Variants in LRFN5 observed in about 807,000 individuals in gnomAD.
LRFN5 encodes leucine-rich repeat and fibronectin type-III domain-containing protein 5.
In LRFN5, 24 loss-of-function variants were observed where a neutral mutation model predicts 45.6. The ratio of observed to expected loss-of-function variants is 0.53; its 90% CI spans 0.38 to 0.74. The LOEUF (loss-of-function observed/expected upper bound fraction) is 0.74. Ranked by LOEUF, LRFN5 falls within the 30% of genes least tolerant of loss-of-function variation. The pLI is 0.00. For missense variants in LRFN5, 776 were observed against 861.5 expected, an observed-to-expected ratio of 0.90 and a Z score of 1.24; for synonymous variants, 340 against 313.8, an observed-to-expected ratio of 1.08 and a Z score of -0.88.
chr14:41,718,596 A>G (rs915552697), intron 1 of LRFN5, among the ~76,000 whole-genome samples: 2 of 152,194 alleles, frequency 1.3e-5, no homozygotes, highest in African/African-American at 4.8e-5. Flanking sequence ...TGCCACCTGC[A>G]TATGGGAAAG....
At chr14:41,848,939 G>A (rs552404602) in intron 2 of LRFN5, among the ~76,000 whole-genome samples, 1 of 152,058 alleles carries the variant, frequency 6.6e-6, no homozygotes, top group South Asian at 2.1e-4. Flanking sequence ...TTTTTTCAGA[G>A]TTAAAGATTT....
chr14:41,818,758 G>C (rs1888008866), intron 2 of LRFN5, among the ~76,000 whole-genome samples: 1 of 152,050 alleles, frequency 6.6e-6, no homozygotes, highest in Non-Finnish European at 1.5e-5. Flanking sequence ...TTAAAAAATA[G>C]ATTTGTGGGC....
intron 1 of LRFN5, among the ~76,000 whole-genome samples, chr14:41,620,516 T>A (rs1033742997): frequency 2.6e-5 from 4 of 152,068 alleles, no homozygotes; most frequent in Non-Finnish European, 5.9e-5. Flanking sequence ...ATGAGTAACT[T>A]GATTTTGTTT....
intron 2 of LRFN5, among the ~76,000 whole-genome samples, chr14:41,778,014 G>T (rs112885012): frequency 1.5e-4 from 12 of 82,054 alleles, no homozygotes; most frequent in Admixed American, 5.3e-4. Context: ...TTTTTGGTGG[G>T]GGGGGGGGAT....
chr14:41,857,018 T>C (rs1481208474), intron 2 of LRFN5, among the ~76,000 whole-genome samples: 2 of 152,134 alleles, frequency 1.3e-5, no homozygotes, highest in Admixed American at 6.5e-5. Flanking sequence ...AAAGTCCTTA[T>C]CTAAGAACCT....
At chr14:41,874,812 G>C (rs921789431) in intron 2 of LRFN5, among the ~76,000 whole-genome samples, 2 of 152,194 alleles carry the variant, frequency 1.3e-5, no homozygotes, top group Non-Finnish European at 2.9e-5. Flanking sequence ...GGGCTGGAAA[G>C]GCCTCAGGGA....
At chr14:41,785,609 T>G (rs1441407837) in intron 2 of LRFN5, among the ~76,000 whole-genome samples, 1 of 152,132 alleles carries the variant, frequency 6.6e-6, no homozygotes, top group Non-Finnish European at 1.5e-5. Flanking sequence ...TTTCAATGAT[T>G]CAAGCACTTT....
intron 2 of LRFN5, among the ~76,000 whole-genome samples, chr14:41,816,533 G>A (rs537119683): frequency 6.6e-6 from 1 of 151,746 alleles, no homozygotes; most frequent in Non-Finnish European, 1.5e-5. Flanking sequence ...ATTTTTGAAG[G>A]ATAATTTCAT....
chr14:41,662,275 C>G (rs1299902330), intron 1 of LRFN5, among the ~76,000 whole-genome samples: 1 of 151,990 alleles, frequency 6.6e-6, no homozygotes, highest in Non-Finnish European at 1.5e-5. Context: ...TGTTCCTAAC[C>G]ACCTACGTCA....
chr14:41,904,112 T>C (rs775317590), intron 5 of LRFN5, 46 bp from the exon 6 acceptor site: 7 of 1,479,496 alleles, frequency 4.7e-6, no homozygotes, highest in South Asian at 1.2e-5. Flanking sequence ...TTTCTTTCTT[T>C]CTTCCTTTCT....
chr14:41,897,212 G>A (rs978127437), intron 4 of LRFN5, among the ~76,000 whole-genome samples: 6 of 151,858 alleles, frequency 4.0e-5, no homozygotes, highest in African/African-American at 9.6e-5. Flanking sequence ...GAGGGATATA[G>A]AAAGTAACAA....
At chr14:41,765,134 GA>G (rs1345742270) in intron 1 of LRFN5, among the ~76,000 whole-genome samples, 2 of 152,088 alleles carry the variant, frequency 1.3e-5, no homozygotes, top group Non-Finnish European at 2.9e-5. Flanking sequence ...GAGGTCAGGA[GA>G]TCGAGACCAT....
intron 1 of LRFN5, among the ~76,000 whole-genome samples, chr14:41,627,282 A>G (rs1247275244): frequency 6.6e-6 from 1 of 152,140 alleles, no homozygotes; most frequent in South Asian, 2.1e-4. Context: ...GGAACTCCGT[A>G]TCTGTTAGGA....
chr14:41,784,060 T>C (rs1309764215), intron 2 of LRFN5, among the ~76,000 whole-genome samples: 1 of 152,110 alleles, frequency 6.6e-6, no homozygotes, highest in Admixed American at 6.6e-5. Flanking sequence ...ATTTAAGATT[T>C]TTTTCTTAAT....
intron 1 of LRFN5, among the ~76,000 whole-genome samples, chr14:41,675,093 G>C (rs1183349609): frequency 6.6e-6 from 1 of 151,946 alleles, no homozygotes; most frequent in Non-Finnish European, 1.5e-5. Context: ...ATGGCGGCGG[G>C]GCAGAGACGC....
intron 1 of LRFN5, among the ~76,000 whole-genome samples, chr14:41,731,159 A>G (rs1049483877): frequency 6.6e-6 from 1 of 152,126 alleles, no homozygotes; most frequent in Non-Finnish European, 1.5e-5. Flanking sequence ...CTCATCACAC[A>G]CCAACTGTAG....
chr14:41,667,069 C>T (rs967056624), intron 1 of LRFN5, among the ~76,000 whole-genome samples: 1 of 152,082 alleles, frequency 6.6e-6, no homozygotes, highest in Non-Finnish European at 1.5e-5. Flanking sequence ...AGAGCAAAAG[C>T]TGTATTTAAG....
chr14:41,611,576 G>T (rs1185050054), intron 1 of LRFN5, among the ~76,000 whole-genome samples: 2 of 152,144 alleles, frequency 1.3e-5, no homozygotes, highest in Non-Finnish European at 2.9e-5. Flanking sequence ...TAAGCAGATA[G>T]GTGAAAAGAA....
At chr14:41,709,451 A>G (rs1353183345) in intron 1 of LRFN5, among the ~76,000 whole-genome samples, 1 of 152,060 alleles carries the variant, frequency 6.6e-6, no homozygotes, top group Non-Finnish European at 1.5e-5. Context: ...CACACTGTTT[A>G]TTAAAGATGT....
Sources: gnomAD v4.1 joint callset for allele counts (sites outside exome capture counted in the v4.1 genomes callset) on GRCh38, gnomAD v4.1.1 for gene constraint, MANE v1.5 for transcripts, NCBI Gene and HGNC (gene_info 2026-07-23, HGNC 2026-07-21) for gene names.